Variants in CDK19 observed in about 807,000 individuals in gnomAD.
CDK19 encodes the protein cyclin-dependent kinase 19.
A neutral mutation model predicts 68.3 loss-of-function variants in CDK19; 20 were observed. The ratio of observed to expected loss-of-function variants is 0.29; its 90% CI spans 0.21 to 0.43. The LOEUF is 0.43. Ranked by LOEUF, CDK19 falls within the 20% of genes least tolerant of loss-of-function variation. The probability of loss-of-function intolerance (pLI) is 1.00; values close to 1 mark genes in which losing one functional copy is unlikely to be tolerated. For synonymous variants in CDK19, 221 were observed against 222.8 expected (o/e 0.99, Z 0.07); for missense variants, 339 against 623.5 (o/e 0.54, Z 4.86).
intron 9 of CDK19, 132 bp from the exon 10 acceptor site, chr6:110,623,044 C>T: frequency 1.4e-6 from 1 of 696,082 alleles, no homozygotes; most frequent in Non-Finnish European, 2.6e-6. Context: ...ATTATGCATA[C>T]TACATACTTT....
At chr6:110,652,693 G>C (rs1010033319) in intron 4 of CDK19, among the ~76,000 whole-genome samples, 2 of 152,220 alleles carry the variant, frequency 1.3e-5, no homozygotes, top group Non-Finnish European at 2.9e-5. Flanking sequence ...TCTCTTGATA[G>C]AAGTTCTTGC....
At chr6:110,768,588 G>C (rs1189608651) in intron 1 of CDK19, among the ~76,000 whole-genome samples, 9 of 152,182 alleles carry the variant, frequency 5.9e-5, no homozygotes, top group African/African-American at 2.2e-4. Flanking sequence ...ACAAGACATA[G>C]AGGATTCTCA....
At chr6:110,669,578 C>T (rs1770817691) in intron 3 of CDK19, among the ~76,000 whole-genome samples, 1 of 152,182 alleles carries the variant, frequency 6.6e-6, no homozygotes, top group South Asian at 2.1e-4. Context: ...CCCAGGAGTT[C>T]AAGACCAGCT....
At chr6:110,694,461 T>A (rs1381235234) in intron 2 of CDK19, among the ~76,000 whole-genome samples, 1 of 152,022 alleles carries the variant, frequency 6.6e-6, no homozygotes, top group Non-Finnish European at 1.5e-5. Context: ...CAGAAAAGTA[T>A]CACAATCCTA....
At chr6:110,771,194 T>C (rs775890769) in intron 1 of CDK19, among the ~76,000 whole-genome samples, 3 of 152,218 alleles carry the variant, frequency 2.0e-5, no homozygotes, top group Non-Finnish European at 4.4e-5. Flanking sequence ...ATTTCCCTTC[T>C]GCACTGCCCT....
chr6:110,738,447 G>A (rs1421667766), intron 2 of CDK19, among the ~76,000 whole-genome samples: 1 of 152,142 alleles, frequency 6.6e-6, no homozygotes, highest in Admixed American at 6.6e-5. Context: ...TTGAACCTGG[G>A]AGGCGGAGGT....
chr6:110,629,673 A>G (rs914412515), intron 6 of CDK19, among the ~76,000 whole-genome samples: 3 of 152,182 alleles, frequency 2.0e-5, no homozygotes, highest in African/African-American at 7.2e-5. Flanking sequence ...CATTTCTAAC[A>G]TGGACCATGT....
intron 2 of CDK19, among the ~76,000 whole-genome samples, chr6:110,701,587 G>A (rs73526517): frequency 0.033 from 4,941 of 151,584 alleles, 288 homozygotes; most frequent in African/African-American, 0.11. Flanking sequence ...ACCCTTCAGA[G>A]TCCAATGCGC....
At chr6:110,682,200 G>C (rs1207765242) in intron 2 of CDK19, among the ~76,000 whole-genome samples, 1 of 151,852 alleles carries the variant, frequency 6.6e-6, no homozygotes. Context: ...ATTCTTTTTT[G>C]ATCTCTTTTA....
chr6:110,669,292 T>C (rs768583637), intron 3 of CDK19, among the ~76,000 whole-genome samples: 5 of 152,256 alleles, frequency 3.3e-5, no homozygotes, highest in Non-Finnish European at 5.9e-5. Flanking sequence ...TTATAACTTA[T>C]ATAGATGACA....
intron 2 of CDK19, among the ~76,000 whole-genome samples, chr6:110,674,942 C>T (rs1771365179): frequency 6.6e-6 from 1 of 150,586 alleles, no homozygotes; most frequent in Admixed American, 6.6e-5. Flanking sequence ...CAGAACAAGG[C>T]CCTAATTCTC....
intron 2 of CDK19, among the ~76,000 whole-genome samples, chr6:110,729,591 G>A (rs1006177628): frequency 1.5e-5 from 2 of 135,392 alleles, no homozygotes; most frequent in Non-Finnish European, 3.1e-5. Context: ...ACCAGGCCCA[G>A]CTAATTTTTG....
chr6:110,791,873 T>C (rs1781617298), intron 1 of CDK19, among the ~76,000 whole-genome samples: 1 of 152,120 alleles, frequency 6.6e-6, no homozygotes, highest in African/African-American at 2.4e-5. Flanking sequence ...CTTGAACTCC[T>C]GGCCTCAAGC....
intron 1 of CDK19, among the ~76,000 whole-genome samples, chr6:110,781,668 C>T (rs1418283162): frequency 2.6e-5 from 4 of 151,846 alleles, no homozygotes; most frequent in Admixed American, 2.0e-4. Flanking sequence ...CATTGTGAAA[C>T]CCCATCTCTA....
intron 2 of CDK19, among the ~76,000 whole-genome samples, chr6:110,734,816 G>C (rs1777115950): frequency 6.6e-6 from 1 of 151,952 alleles, no homozygotes; most frequent in Non-Finnish European, 1.5e-5. Context: ...TTGAGGGAAA[G>C]GGAAAAACTG....
At chr6:110,703,561 CAG>C (rs1299561022) in intron 2 of CDK19, among the ~76,000 whole-genome samples, 10 of 152,086 alleles carry the variant, frequency 6.6e-5, no homozygotes, top group African/African-American at 2.4e-4. Context: ...ATGAACCTGC[CAG>C]GCACAGTGGT....
At chr6:110,756,798 C>CA (rs904651875) in intron 1 of CDK19, among the ~76,000 whole-genome samples, 1 of 151,496 alleles carries the variant, frequency 6.6e-6, no homozygotes, top group Non-Finnish European at 1.5e-5. Flanking sequence ...AGTCCATTTA[C>CA]AAAAAAGAAA....
intron 4 of CDK19, among the ~76,000 whole-genome samples, chr6:110,666,482 T>C (rs1414673148): frequency 3.4e-5 from 5 of 145,266 alleles, no homozygotes; most frequent in African/African-American, 1.0e-4. Context: ...TCCATTAATA[T>C]GGTAAATGCA....
chr6:110,778,278 T>C (rs1780553180), intron 1 of CDK19, among the ~76,000 whole-genome samples: 1 of 152,238 alleles, frequency 6.6e-6, no homozygotes, highest in African/African-American at 2.4e-5. Context: ...TATTGTCATA[T>C]AGTTTTTAAA....
Sources: allele counts gnomAD v4.1 joint callset (sites outside exome capture counted in the v4.1 genomes callset), GRCh38; gene constraint gnomAD v4.1.1; transcripts MANE v1.5; gene names NCBI Gene and HGNC (gene_info 2026-07-23, HGNC 2026-07-21).